Variants in FAT3 observed in about 807,000 individuals in gnomAD.
FAT3 encodes the protein FAT atypical cadherin 3.
A neutral mutation model predicts 310.2 loss-of-function variants in FAT3; 95 were observed. The observed-to-expected ratio is 0.31, with a 90% CI of 0.26 to 0.36. FAT3 has a LOEUF of 0.36. Among genes scored for constraint, FAT3 ranks in the 10% least tolerant of loss-of-function variants. FAT3 has a pLI of 1.00. For missense variants in FAT3, 5,408 were observed against 5,715.6 expected (o/e 0.95, Z 1.74); for synonymous variants, 2,314 against 2,192.9 (o/e 1.06, Z -1.54).
intron 2 of FAT3, among the ~76,000 whole-genome samples, chr11:92,468,792 C>A (rs1281785709): frequency 2.0e-5 from 3 of 152,168 alleles, no homozygotes; most frequent in Non-Finnish European, 2.9e-5. Flanking sequence ...AACTCACTCA[C>A]TATCATGAGA....
intron 2 of FAT3, among the ~76,000 whole-genome samples, chr11:92,471,009 A>T (rs1473350151): frequency 6.6e-6 from 1 of 152,086 alleles, no homozygotes; most frequent in African/African-American, 2.4e-5. Context: ...TTTTCATTTG[A>T]TATATTTTTA....
Position 92,800,941 on chromosome 11 carries a change from C to A in FAT3, c.7928C>A (p.Ala2643Asp). ...ATTACTTATTCCCTCTATAGCGAGG[C>A]CTCTGTTTCAGTGGCCGACCTCCTG... ...SRITYSLYSEASVSVADLLEI... is the reference protein window; with the variant it reads ...SRITYSLYSEDSVSVADLLEI... The change falls in exon 10 of 28, where the codon GCC becomes GAC. Residue 2643 changes from alanine (A) to aspartate (D), a missense_variant. Coordinates refer to ENST00000525166, the MANE Select transcript of FAT3 (RefSeq NM_001367949.2). 2 of 1,612,930 alleles carry A rather than the reference C, an allele frequency of 1.2e-6. No homozygotes were observed. The highest frequency in any genetic ancestry group is 1.7e-6 in the Non-Finnish European group (2 of 1,179,454).
chr11:92,578,391 C>T (rs2135524560), intron 3 of FAT3, among the ~76,000 whole-genome samples: 1 of 152,172 alleles, frequency 6.6e-6, no homozygotes, highest in South Asian at 2.1e-4. Flanking sequence ...AGTGTACTCC[C>T]TACTTGACCC....
chr11:92,851,012 G>A (rs1948815932), intron 19 of FAT3, among the ~76,000 whole-genome samples: 1 of 152,154 alleles, frequency 6.6e-6, no homozygotes, highest in South Asian at 2.1e-4. Flanking sequence ...CACATGGTGT[G>A]CGTGTTTCTC....
chr11:92,334,122 T>C (rs1443412833), intron 1 of FAT3, among the ~76,000 whole-genome samples: 1 of 152,156 alleles, frequency 6.6e-6, no homozygotes, highest in Non-Finnish European at 1.5e-5. Context: ...CACCCTGTAA[T>C]CCCAGCACTT....
chr11:92,621,287 A>C (rs1248429866), intron 3 of FAT3, among the ~76,000 whole-genome samples: 1 of 152,200 alleles, frequency 6.6e-6, no homozygotes, highest in African/African-American at 2.4e-5. Flanking sequence ...AAACAGATAA[A>C]TTGAAGGAGT....
intron 3 of FAT3, among the ~76,000 whole-genome samples, chr11:92,624,635 T>C (rs1358450389): frequency 6.6e-6 from 1 of 152,076 alleles, no homozygotes; most frequent in Non-Finnish European, 1.5e-5. Flanking sequence ...ACTCCAAAAA[T>C]AGCAATTAGA....
At chr11:92,589,682 C>T (rs1390011009) in intron 3 of FAT3, among the ~76,000 whole-genome samples, 4 of 151,858 alleles carry the variant, frequency 2.6e-5, no homozygotes, top group African/African-American at 9.7e-5. Flanking sequence ...CTCTCGCTCT[C>T]CCCCACACCC....
intron 3 of FAT3, among the ~76,000 whole-genome samples, chr11:92,536,242 C>G (rs1453824681): frequency 6.6e-6 from 1 of 152,132 alleles, no homozygotes; most frequent in East Asian, 1.9e-4. Flanking sequence ...AAAACCAACA[C>G]ATGTTGAGTT....
At chr11:92,236,565 A>G (rs1864429034) in intron 1 of FAT3, among the ~76,000 whole-genome samples, 1 of 152,176 alleles carries the variant, frequency 6.6e-6, no homozygotes, top group African/African-American at 2.4e-5. Context: ...ACACTTTGTT[A>G]TTCTGTGAGT....
rs1947694713 is a variant in FAT3 at position 92,323,865 on chromosome 11, CT to C, written c.-17-28229del. Among the ~76,000 whole-genome samples, 3 of 152,190 alleles carry C rather than the reference CT, an allele frequency of 2.0e-5. 1 individual carries two copies. The highest frequency in any genetic ancestry group is 4.1e-4 in the South Asian group (2 of 4,830). On this transcript the variant is annotated intron_variant, in intron 1 of 27. Coordinates refer to ENST00000525166, the MANE Select transcript of FAT3 (RefSeq NM_001367949.2). ...GTTGACTGTTTTCTAGCTATGAAAG[CT>C]TCTTCTTTCAATAGAAGTCTGTTTT... is the stretch of plus-strand genomic sequence containing the variant.
chr11:92,498,253 T>A (rs1229583950), intron 2 of FAT3: 2 of 211,854 alleles, frequency 9.4e-6, no homozygotes, highest in African/African-American at 4.7e-5. Flanking sequence ...TGAAGCTCCA[T>A]GAGTTTTCCC....
At chr11:92,564,579 T>C (rs149937921) in intron 3 of FAT3, among the ~76,000 whole-genome samples, 3,010 of 152,146 alleles carry the variant, frequency 0.02, 43 homozygotes, top group Non-Finnish European at 0.028. Flanking sequence ...ATCAACAGAA[T>C]ATACATTTTT....
At position 92,427,769 on chromosome 11, in the gene FAT3, GC is replaced by G. The variant is rs373282601; in HGVS notation, c.3292+72367del. On this transcript the variant is annotated intron_variant, in intron 2 of 27. Transcript: ENST00000525166. The stretch of plus-strand genomic sequence containing the variant: ...TTTAATGTACTCCTGGATTTGTTTT[GC>G]CAGTATTTTATTGAGGATTTTCACA... 1.6e-3 allele frequency among the ~76,000 whole-genome samples: 247 copies of G among 152,214 alleles called. 1 individual carries two copies. Among genetic ancestry groups the G allele is most frequent in the African/African-American group, 5.7e-3 (238 of 41,540 alleles).
intron 1 of FAT3, among the ~76,000 whole-genome samples, chr11:92,294,021 A>T (rs1208675811): frequency 6.6e-6 from 1 of 152,020 alleles, no homozygotes; most frequent in Non-Finnish European, 1.5e-5. Context: ...GGCTGCCATA[A>T]CAAAATATCA....
chr11:92,834,727 T>C (rs571248377), intron 14 of FAT3, 143 bp from the exon 15 acceptor site: 1 of 711,752 alleles, frequency 1.4e-6, no homozygotes, highest in Admixed American at 2.9e-5. Flanking sequence ...TCTGTAATAC[T>C]TTCAGTAAGG....
chr11:92,288,899 T>C (rs192522750), intron 1 of FAT3, among the ~76,000 whole-genome samples: 67 of 152,258 alleles, frequency 4.4e-4, no homozygotes, highest in Middle Eastern at 3.4e-3. Flanking sequence ...CAGTTAAACC[T>C]GATCCGGAAA....
chr11:92,399,833 C>G (rs187222703), intron 2 of FAT3, among the ~76,000 whole-genome samples: 2 of 152,254 alleles, frequency 1.3e-5, no homozygotes, highest in African/African-American at 2.4e-5. Context: ...TTGTGTAAAC[C>G]TTCTGTAGCA....
At chr11:92,495,495 C>A (rs1224905326) in intron 2 of FAT3, among the ~76,000 whole-genome samples, 2 of 152,036 alleles carry the variant, frequency 1.3e-5, no homozygotes, top group African/African-American at 4.8e-5. Flanking sequence ...TCTAAAGTAG[C>A]TTAGGAGCAC....
Sources: allele counts gnomAD v4.1 joint callset (sites outside exome capture counted in the v4.1 genomes callset), GRCh38; gene constraint gnomAD v4.1.1; transcripts MANE v1.5; gene names NCBI Gene and HGNC (gene_info 2026-07-23, HGNC 2026-07-21).